CDK6: variants seen among roughly 807,000 people sequenced by gnomAD.
CDK6 encodes the protein cyclin dependent kinase 6, also known as cyclin-dependent kinase 6.
Under a neutral mutation model 37.1 loss-of-function variants are expected in CDK6, and 6 were observed. The ratio of observed to expected loss-of-function variants is 0.16; its 90% CI spans 0.09 to 0.32. CDK6 has a LOEUF of 0.32. CDK6 is among the 10% of genes least tolerant of loss of function. The probability of loss-of-function intolerance (pLI) is 1.00; values close to 1 mark genes in which losing one functional copy is unlikely to be tolerated. For missense variants in CDK6, 224 were observed against 418.9 expected, an observed-to-expected ratio of 0.53 and a Z score of 4.06; for synonymous variants, 160 against 161.3, an observed-to-expected ratio of 0.99 and a Z score of 0.06.
intron 5 of CDK6, among the ~76,000 whole-genome samples, chr7:92,662,768 C>T (rs1001249248): frequency 2.6e-5 from 4 of 152,024 alleles, no homozygotes; most frequent in African/African-American, 9.7e-5. Context: ...ATCATGGGTC[C>T]TGAAAATCTC....
chr7:92,649,986 G>A (rs1796536308), intron 5 of CDK6, among the ~76,000 whole-genome samples: 1 of 152,142 alleles, frequency 6.6e-6, no homozygotes, highest in Non-Finnish European at 1.5e-5. Context: ...TGTACCAGAA[G>A]AAGTAAAATA....
intron 2 of CDK6, among the ~76,000 whole-genome samples, chr7:92,806,212 C>T (rs753428444): frequency 4.6e-5 from 7 of 152,092 alleles, no homozygotes; most frequent in South Asian, 4.1e-4. Context: ...TAATCCTCAA[C>T]GTGAGATAAA....
Position 92,804,271 on chromosome 7 carries a change from A to C in CDK6, c.233+28820T>G, listed in dbSNP as rs1441173371. ...TAACCCATTCCTTAGGCCTCATTCT[A>C]GTTAGCTTCCTTTTTTAAACCCCTG... is the stretch of plus-strand genomic sequence containing the variant. On this transcript the variant is annotated intron_variant, in intron 2 of 7. Coordinates refer to ENST00000424848, the MANE Select transcript of CDK6 (RefSeq NM_001145306.2). Among the ~76,000 whole-genome samples, 4 of 152,140 alleles carry C rather than the reference A, an allele frequency of 2.6e-5. No homozygotes were observed. In the East Asian group the frequency reaches 7.7e-4, roughly 29 times the overall value.
chr7:92,645,263 G>A (rs2116544682), intron 5 of CDK6, among the ~76,000 whole-genome samples: 1 of 152,268 alleles, frequency 6.6e-6, no homozygotes, highest in Middle Eastern at 3.4e-3. Flanking sequence ...CCAAAGAAAT[G>A]GCATCACAGG....
chr7:92,820,901 G>A (rs1031964409), intron 2 of CDK6, among the ~76,000 whole-genome samples: 30 of 143,494 alleles, frequency 2.1e-4, no homozygotes, highest in African/African-American at 8.1e-4. Flanking sequence ...ACTGGGGCAG[G>A]AGCTTTGCCT....
At chr7:92,799,789 A>G (rs1584101460) in intron 2 of CDK6, among the ~76,000 whole-genome samples, 2 of 152,186 alleles carry the variant, frequency 1.3e-5, no homozygotes, top group East Asian at 3.8e-4. Flanking sequence ...AGATTTCTAT[A>G]CATCTCCTTT....
chr7:92,711,226 G>T (rs1029920618), intron 4 of CDK6, among the ~76,000 whole-genome samples: 1 of 152,178 alleles, frequency 6.6e-6, no homozygotes, highest in Non-Finnish European at 1.5e-5. Flanking sequence ...CATCCTGGGA[G>T]ACTGGGTAAA....
intron 3 of CDK6, among the ~76,000 whole-genome samples, chr7:92,767,492 G>A (rs1338319025): frequency 6.6e-6 from 1 of 152,060 alleles, no homozygotes; most frequent in Non-Finnish European, 1.5e-5. Flanking sequence ...CTTTAGATCT[G>A]GGCTTCTGAC....
intron 5 of CDK6, among the ~76,000 whole-genome samples, chr7:92,650,995 T>C (rs1330173888): frequency 6.6e-6 from 1 of 152,164 alleles, no homozygotes; most frequent in East Asian, 1.9e-4. Flanking sequence ...GTTCAAGTGA[T>C]TCTCCTGCCT....
chr7:92,710,205 A>G (rs964266002), intron 4 of CDK6, among the ~76,000 whole-genome samples: 1 of 152,174 alleles, frequency 6.6e-6, no homozygotes, highest in Admixed American at 6.5e-5. Context: ...CTACAGACTG[A>G]TTGGTCAATG....
At chr7:92,800,042 G>C (rs1800529380) in intron 2 of CDK6, among the ~76,000 whole-genome samples, 1 of 152,106 alleles carries the variant, frequency 6.6e-6, no homozygotes, top group Non-Finnish European at 1.5e-5. Context: ...TGACCCTACA[G>C]CTCTGTTCAC....
intron 4 of CDK6, among the ~76,000 whole-genome samples, chr7:92,678,830 C>T (rs137973464): frequency 0.013 from 2,006 of 152,258 alleles, 17 homozygotes; most frequent in Middle Eastern, 0.054. Flanking sequence ...TGGGAAGTCT[C>T]GGCAGGAATT....
At chr7:92,768,134 T>G (rs897547406) in intron 3 of CDK6, among the ~76,000 whole-genome samples, 1 of 152,110 alleles carries the variant, frequency 6.6e-6, no homozygotes, top group African/African-American at 2.4e-5. Flanking sequence ...GGCAGAGTTC[T>G]GGAGAGACAA....
intron 3 of CDK6, among the ~76,000 whole-genome samples, chr7:92,741,717 G>A (rs577498664): frequency 6.6e-6 from 1 of 152,018 alleles, no homozygotes; most frequent in East Asian, 1.9e-4. Flanking sequence ...GTAAGTCTCT[G>A]GTAAAATTTG....
Position 92,833,180 on chromosome 7 carries a change from C to G in CDK6, c.144G>C (p.Gln48His), listed in dbSNP as rs748860173. 4 of 1,609,448 alleles carry G rather than the reference C, an allele frequency of 2.5e-6. No homozygotes were observed. The South Asian group carries it at 3.3e-5, about 13-fold the overall frequency. Residue 48 changes from glutamine (Q) to histidine (H), a missense_variant, in exon 2 of 8, where the codon CAG (glutamine) becomes CAC (histidine). Gln to His is a conservative substitution (Grantham distance 24). Transcript: ENST00000424848. This position sits in a 1 kb window ranked among gnomAD's most constrained non-coding sequence, Gnocchi z 6.1. Reference protein sequence around the residue: ...RFVALKRVRVQTGEEGMPLST... With the variant: ...RFVALKRVRVHTGEEGMPLST... ...AGAGCGGCATGCCCTCCTCGCCGGT[C>G]TGCACCCGCACGCGCTTCAACGCCA...
At chr7:92,825,282 C>A (rs555434910) in intron 2 of CDK6, among the ~76,000 whole-genome samples, 1 of 152,158 alleles carries the variant, frequency 6.6e-6, no homozygotes, top group African/African-American at 2.4e-5. Flanking sequence ...TCATTTCTAA[C>A]TAAAAAAAAT....
At chr7:92,686,587 T>C (rs758616789) in intron 4 of CDK6, among the ~76,000 whole-genome samples, 3 of 152,170 alleles carry the variant, frequency 2.0e-5, no homozygotes, top group Non-Finnish European at 4.4e-5. Context: ...TGTGCTGCTA[T>C]AACATGCATG....
rs754775810 is a variant in CDK6 at position 92,802,105 on chromosome 7, G to A, written c.234-27274C>T. On this transcript the variant is annotated intron_variant, in intron 2 of 7. Coordinates refer to ENST00000424848, the MANE Select transcript of CDK6 (RefSeq NM_001145306.2). ...ATATACTGCATTGTGGTGAAGTCAG[G>A]GTCTTCAGTGCATCCATCACTGGTG... 5.0e-4 allele frequency among the ~76,000 whole-genome samples: 75 copies of A among 151,378 alleles called. 1 individual carries two copies. The highest frequency in any genetic ancestry group is 9.9e-4 in the Admixed American group (15 of 15,174).
At position 92,812,421 on chromosome 7, in the gene CDK6, A is replaced by AT. The variant is rs34354863; in HGVS notation, c.233+20669dup. Among the ~76,000 whole-genome samples the AT allele has an allele frequency of 8.3e-3, 1,198 of 144,242 alleles. 11 individuals carry two copies. Among genetic ancestry groups the AT allele is most frequent in the Middle Eastern group, 0.037 (10 of 270 alleles). 94.6% of individuals were successfully genotyped at this position (144,242 alleles called of 152,430 possible). ...CTTTTAATTTAAATTTTCTCATTCA[A>AT]TTTTTTTTTTTTTTGAGACAGGGTC... is the stretch of plus-strand genomic sequence containing the variant. On this transcript the variant is annotated intron_variant, in intron 2 of 7. Transcript: ENST00000424848.
Sources: allele counts gnomAD v4.1 joint callset (sites outside exome capture counted in the v4.1 genomes callset), GRCh38; gene constraint gnomAD v4.1.1; non-coding constraint Gnocchi (gnomAD v3.1); transcripts MANE v1.5; gene names NCBI Gene and HGNC (gene_info 2026-07-23, HGNC 2026-07-21).